PATL1: variants seen among roughly 807,000 people sequenced by gnomAD.
PATL1 encodes PAT1 homolog 1, processing body mRNA decay factor.
A neutral mutation model predicts 100.6 loss-of-function variants in PATL1; 32 were observed. That is an observed-to-expected ratio of 0.32 (90% confidence interval 0.24 to 0.43). The LOEUF is 0.43. Ranked by LOEUF, PATL1 falls within the 20% of genes least tolerant of loss-of-function variation. The pLI is 1.00. For synonymous variants in PATL1, 332 were observed against 330.0 expected, an observed-to-expected ratio of 1.01 and a Z score of -0.07; for missense variants, 747 against 949.9, an observed-to-expected ratio of 0.79 and a Z score of 2.81.
chr11:59,639,526 AG>A, intron 16 of PATL1, 143 bp from the exon 17 acceptor site: 2 of 639,646 alleles, frequency 3.1e-6, no homozygotes, highest in Non-Finnish European at 5.4e-6. Context: ...AACCAGGTAA[AG>A]ATCAGACAAG....
At chr11:59,640,755 G>C (rs908959200) in intron 16 of PATL1, among the ~76,000 whole-genome samples, 2 of 151,958 alleles carry the variant, frequency 1.3e-5, no homozygotes, top group African/African-American at 4.8e-5. Flanking sequence ...GGCTGGGGAT[G>C]GGCATGGTGG....
intron 2 of PATL1, among the ~76,000 whole-genome samples, chr11:59,664,311 A>G (rs1448029474): frequency 6.6e-6 from 1 of 152,166 alleles, no homozygotes; most frequent in Non-Finnish European, 1.5e-5. Flanking sequence ...GAGAAAAAAT[A>G]GAAACTCAGG....
intron 3 of PATL1, 47 bp from the exon 4 acceptor site, chr11:59,658,993 C>G: frequency 1.1e-5 from 16 of 1,465,828 alleles, no homozygotes; most frequent in Non-Finnish European, 1.5e-5. Flanking sequence ...TGTATACTCT[C>G]TGGGTGACTT....
At chr11:59,646,023 T>C (rs1292082957) in intron 15 of PATL1, among the ~76,000 whole-genome samples, 1 of 152,146 alleles carries the variant, frequency 6.6e-6, no homozygotes, top group East Asian at 1.9e-4. Flanking sequence ...ATTTTTGCAT[T>C]CTTATCTTTT....
chr11:59,648,708 T>C (rs1861399181), intron 14 of PATL1, among the ~76,000 whole-genome samples: 2 of 152,218 alleles, frequency 1.3e-5, no homozygotes, highest in Non-Finnish European at 2.9e-5. Context: ...AATAAATATA[T>C]TTCAACTACA....
intron 2 of PATL1, among the ~76,000 whole-genome samples, chr11:59,662,328 C>T (rs941526772): frequency 2.0e-5 from 3 of 152,132 alleles, no homozygotes; most frequent in African/African-American, 7.2e-5. Flanking sequence ...GTGGTATTTT[C>T]TTTCCCACCC....
chr11:59,639,544 T>A (rs528566638), intron 16 of PATL1, 161 bp from the exon 17 acceptor site: 74 of 607,516 alleles, frequency 1.2e-4, no homozygotes, highest in Non-Finnish European at 1.8e-4. Context: ...CAAGCATGAG[T>A]TGAAAGGCTA....
chr11:59,651,708 CAAA>C (rs1216064555), intron 11 of PATL1, 67 bp from the exon 12 acceptor site: 4 of 1,028,692 alleles, frequency 3.9e-6, no homozygotes, highest in Non-Finnish European at 5.8e-6. Flanking sequence ...AGGCAGTGTT[CAAA>C]GAAGATTTTT....
At position 59,639,093 on chromosome 11, in the gene PATL1, C is replaced by T. The variant is rs1861235299; in HGVS notation, c.2246G>A (p.Arg749His). 4.3e-6 allele frequency: 7 copies of T among 1,613,886 alleles called. No individual in the cohort carries two copies. The highest frequency in any genetic ancestry group is 2.2e-5 in the South Asian group (2 of 91,082). Residue 749 changes from arginine to histidine, a missense_variant, in exon 18 of 19, where the codon CGC becomes CAC. By Grantham distance (29) the Arg-to-His change is conservative (BLOSUM62 0). This residue lies in a region of PATL1 where 434 missense variants were observed against 596.1 expected (regional missense o/e 0.73). Transcript: ENST00000300146. ...GTTCAGTTTCTGCCGGTCAACATAG[C>T]GAGAAAAGAGGGACACTAGGTTTGT... ...IPTNLVSLFS[R>H]YVDRQKLNLL...
At chr11:59,662,633 T>G (rs1861641442) in intron 2 of PATL1, among the ~76,000 whole-genome samples, 1 of 152,202 alleles carries the variant, frequency 6.6e-6, no homozygotes, top group Non-Finnish European at 1.5e-5. Flanking sequence ...TAAATTGTTT[T>G]TTGCAACTTT....
Position 59,668,862 on chromosome 11 carries a change from T to C in PATL1, c.15+19A>G. ...GCGCGGGAGGGAGGGAGGGGTCACT[T>C]CCGGTCGCAACAGCTCACCTCGTAG... On this transcript the variant is annotated intron_variant, in intron 1 of 18. Coordinates refer to ENST00000300146, the MANE Select transcript of PATL1 (RefSeq NM_152716.3). The C allele has an allele frequency of 7.8e-7, 1 of 1,285,374 alleles. No individual in the cohort carries two copies. Among genetic ancestry groups the C allele is most frequent in the Non-Finnish European group, 1.0e-6 (1 of 958,156 alleles). The allele number at this position is 1,285,374 out of a possible 1,614,324, so 79.6% of individuals were successfully genotyped here. A position where few individuals can be genotyped will look rare whatever the true frequency, so the allele number is the denominator to read the frequency against.
At chr11:59,668,843 G>T in intron 1 of PATL1, 38 bp downstream of exon 1, 3 of 1,211,438 alleles carry the variant, frequency 2.5e-6, no homozygotes, top group African/African-American at 1.6e-5. Context: ...AGGGGCGCGG[G>T]AGGGAGGGAG....
At chr11:59,644,853 C>G (rs552797583) in intron 15 of PATL1, among the ~76,000 whole-genome samples, 1 of 143,374 alleles carries the variant, frequency 7.0e-6, no homozygotes, top group Non-Finnish European at 1.5e-5. Context: ...CCCAGGAGCT[C>G]GAGACAAGCC....
At chr11:59,666,651 AGGTAAGG>A (rs1458364936) in intron 2 of PATL1, among the ~76,000 whole-genome samples, 195 bp downstream of exon 2, 2 of 152,220 alleles carry the variant, frequency 1.3e-5, no homozygotes, top group Non-Finnish European at 2.9e-5. Flanking sequence ...CTGATTTTAT[AGGTAAGG>A]CAAAAAGAGA....
chr11:59,649,624 C>T lies in PATL1; in HGVS notation c.1585-14G>A, dbSNP rs750646917. On this transcript the variant is annotated splice_polypyrimidine_tract_variant and intron_variant, in intron 13 of 18. Transcript: ENST00000300146. ...TAAGCTGTAGGTCTAAGAAGGGAGA[C>T]AAAAGCAGGCCACAGCATGCTAGGT... 5 of 1,608,926 alleles carry T rather than the reference C, an allele frequency of 3.1e-6. No individual in the cohort carries two copies. Among genetic ancestry groups the T allele is most frequent in the African/African-American group, 1.3e-5 (1 of 74,760 alleles).
intron 2 of PATL1, among the ~76,000 whole-genome samples, chr11:59,662,756 T>C (rs1428034393): frequency 1.3e-5 from 2 of 152,194 alleles, no homozygotes; most frequent in Non-Finnish European, 2.9e-5. Context: ...TTTGTTCTAA[T>C]GCAGTAGAGT....
chr11:59,657,624 C>T lies in PATL1; in HGVS notation c.527G>A (p.Arg176Gln). 1.9e-6 allele frequency: 3 copies of T among 1,613,132 alleles called. No individual in the cohort carries two copies. The highest frequency in any genetic ancestry group is 2.2e-5 in the South Asian group (2 of 91,042). The change falls in exon 5 of 19, where the codon CGG becomes CAG. Residue 176 changes from arginine (R) to glutamine (Q), a missense_variant. Arg to Gln is a conservative substitution (Grantham distance 43). Transcript: ENST00000300146. The part of the protein sequence containing the change: ...RDLSERALPR[R>Q]STSPIIGSPP... ...ACTGCCAATGATAGGTGAAGTTGAC[C>T]GCCTTGGTAATGCTCGTTCAGAAAG...
At chr11:59,660,046 T>C (rs1861606497) in intron 2 of PATL1, among the ~76,000 whole-genome samples, 1 of 152,228 alleles carries the variant, frequency 6.6e-6, no homozygotes, top group East Asian at 1.9e-4. Flanking sequence ...CCAAACTATA[T>C]TCTGAAACTG....
At chr11:59,662,454 C>T (rs1861639268) in intron 2 of PATL1, among the ~76,000 whole-genome samples, 1 of 152,046 alleles carries the variant, frequency 6.6e-6, no homozygotes, top group Admixed American at 6.6e-5. Flanking sequence ...ATAAGCCTAT[C>T]CTGATGTGCT....
Sources: gnomAD v4.1 joint callset for allele counts (sites outside exome capture counted in the v4.1 genomes callset) on GRCh38, gnomAD v4.1.1 for gene constraint, gnomAD v4.1.1 regional missense constraint, MANE v1.5 for transcripts, NCBI Gene and HGNC (gene_info 2026-07-23, HGNC 2026-07-21) for gene names.